Variants in ACTN1 observed in about 807,000 individuals in gnomAD.
ACTN1 encodes alpha-actinin-1.
A neutral mutation model predicts 119.6 loss-of-function variants in ACTN1; 30 were observed. That is an observed-to-expected ratio of 0.25 (90% confidence interval 0.19 to 0.34). The LOEUF is 0.34. Among genes scored for constraint, ACTN1 ranks in the 10% least tolerant of loss-of-function variants. The pLI is 1.00. For synonymous variants in ACTN1, 429 were observed against 472.6 expected, an observed-to-expected ratio of 0.91 and a Z score of 1.20; for missense variants, 764 against 1,223.4, an observed-to-expected ratio of 0.62 and a Z score of 5.60.
At chr14:68,939,637 G>A (rs2035697526) in intron 1 of ACTN1, among the ~76,000 whole-genome samples, 1 of 152,158 alleles carries the variant, frequency 6.6e-6, no homozygotes, top group African/African-American at 2.4e-5. Context: ...GAACGGAGGA[G>A]TTGGGGGAGG....
intron 1 of ACTN1, among the ~76,000 whole-genome samples, chr14:68,941,780 A>G (rs943991326): frequency 6.6e-6 from 1 of 152,172 alleles, no homozygotes; most frequent in Non-Finnish European, 1.5e-5. Context: ...AAACGGTCCC[A>G]GGTAGCATCA....
At chr14:68,975,584 GA>G (rs1379352470) in intron 1 of ACTN1, among the ~76,000 whole-genome samples, 3 of 152,128 alleles carry the variant, frequency 2.0e-5, no homozygotes, top group Admixed American at 2.0e-4. Flanking sequence ...ATACACCTAA[GA>G]ATGTGAGCGA....
chr14:68,893,719 T>C lies in ACTN1; in HGVS notation c.791A>G (p.Lys264Arg), dbSNP rs768952666. 2 of 1,613,974 alleles carry C rather than the reference T, an allele frequency of 1.2e-6. No homozygotes were observed. The highest frequency in any genetic ancestry group is 8.5e-7 in the Non-Finnish European group (1 of 1,180,018). ...KAETAANRIC[K>R]VLAVNQENEQ... ...GTTCTCCTGGTTGACGGCCAACACCTTGCAGATGCGATTGGCTGCTGTCTC... is the reference window on the plus strand; with the variant it reads ...GTTCTCCTGGTTGACGGCCAACACCCTGCAGATGCGATTGGCTGCTGTCTC... The change falls in exon 9 of 22, where the codon AAG (lysine) becomes AGG (arginine). Residue 264 changes from lysine to arginine, a missense_variant. This residue lies in a region of ACTN1 where 544 missense variants were observed against 912.0 expected (regional missense o/e 0.60). Transcript: ENST00000394419.
At chr14:68,945,386 G>A (rs1166104038) in intron 1 of ACTN1, among the ~76,000 whole-genome samples, 1 of 152,168 alleles carries the variant, frequency 6.6e-6, no homozygotes, top group East Asian at 1.9e-4. Flanking sequence ...AGCAGTGGAA[G>A]TCACCGAAGA....
chr14:68,961,166 T>C (rs564360822), intron 1 of ACTN1, among the ~76,000 whole-genome samples: 2 of 152,280 alleles, frequency 1.3e-5, no homozygotes, highest in South Asian at 4.1e-4. Context: ...CAAATAAACA[T>C]GTATTTATGA....
intron 1 of ACTN1, among the ~76,000 whole-genome samples, chr14:68,938,345 G>A (rs2035623006): frequency 6.6e-6 from 1 of 152,146 alleles, no homozygotes; most frequent in Non-Finnish European, 1.5e-5. Flanking sequence ...ATTCAGAGTA[G>A]GGGGGACTGG....
chr14:68,877,175 G>A lies in ACTN1; in HGVS notation c.2493C>T (p.Phe831=). 1 of 1,614,170 alleles carries A rather than the reference G, an allele frequency of 6.2e-7. No individual in the cohort carries two copies. The highest frequency in any genetic ancestry group is 8.5e-7 in the Non-Finnish European group (1 of 1,180,032). The change falls in exon 21 of 22, where the codon TTC becomes TTT. Residue 831 remains phenylalanine, a synonymous_variant. Coordinates refer to ENST00000394419, the MANE Select transcript of ACTN1 (RefSeq NM_001130004.2). ...GGGACATGAAGTCAATGAAGGCCTG[G>A]AATGTCACTACCCCCAGGCGGTTGG... ...VDPNRLGVVT[F]QAFIDFMSRE... is the part of the protein sequence containing the mutation.
At position 68,925,341 on chromosome 14, in the gene ACTN1, T is replaced by TTA. The variant is rs1300357335; in HGVS notation, c.220+216_220+217insTA. ...CCCTTTTTTTTTTTTTTTTTTTTTT[T>TTA]AAAACAAACAAGGATGCTGAAACAA... On this transcript the variant is annotated intron_variant, in intron 2 of 21. Coordinates refer to ENST00000394419, the MANE Select transcript of ACTN1 (RefSeq NM_001130004.2). The surrounding 1 kb of genome is among the most constrained non-coding windows in gnomAD (Gnocchi z 4.3). 6.5e-5 allele frequency among the ~76,000 whole-genome samples: 8 copies of TTA among 123,882 alleles called. No homozygotes were observed. The highest frequency in any genetic ancestry group is 6.8e-5 in the Non-Finnish European group (4 of 59,018). The allele number at this position is 123,882 out of a possible 152,430, so 81.3% of individuals were successfully genotyped here.
rs111891314 is a variant in ACTN1 at position 68,909,808 on chromosome 14, C to T, written c.515+147G>A. 3.8e-5 allele frequency: 25 copies of T among 662,464 alleles called. 1 individual carries two copies. The highest frequency in any genetic ancestry group is 1.5e-4 in the African/African-American group (8 of 55,138). The allele number at this position is 662,464 out of a possible 1,614,324, so 41.0% of individuals were successfully genotyped here. A position where few individuals can be genotyped will look rare whatever the true frequency, so the allele number is the denominator to read the frequency against. ...GAGACGGGGGGATTCAGAGCGATGGCGACATCCCCTTCCCAAGGAAAGCTA... is the reference window on the plus strand; with the variant it reads ...GAGACGGGGGGATTCAGAGCGATGGTGACATCCCCTTCCCAAGGAAAGCTA... On this transcript the variant is annotated intron_variant, in intron 5 of 21. Transcript: ENST00000394419. This position sits in a 1 kb window ranked among gnomAD's most constrained non-coding sequence, Gnocchi z 4.1.
chr14:68,945,334 C>T (rs932262055), intron 1 of ACTN1, among the ~76,000 whole-genome samples: 1 of 151,336 alleles, frequency 6.6e-6, no homozygotes, highest in African/African-American at 2.4e-5. Flanking sequence ...ATCAACTAGC[C>T]ACATGGGTGT....
chr14:68,881,941 T>TC (rs2031561614), intron 16 of ACTN1, among the ~76,000 whole-genome samples: 3 of 89,486 alleles, frequency 3.4e-5, no homozygotes, highest in African/African-American at 2.6e-4. Flanking sequence ...AGCTTCTTTT[T>TC]TTTTTTTTTT....
rs754166842 is a variant in ACTN1, at chr14:68,882,949, G to A, written c.1742C>T (p.Thr581Ile). The A allele has an allele frequency of 1.2e-6, 2 of 1,614,130 alleles. 1 individual carries two copies. The highest frequency in any genetic ancestry group is 3.3e-4 in the Middle Eastern group (2 of 6,084). Residue 581 changes from threonine to isoleucine, a missense_variant, in exon 15 of 22, where the codon ACC (threonine) becomes ATC (isoleucine). Coordinates refer to ENST00000394419, the MANE Select transcript of ACTN1 (RefSeq NM_001130004.2). This position sits in a 1 kb window ranked among gnomAD's most constrained non-coding sequence, Gnocchi z 4.5. ...GGTGCCCGCCATATTGACGTGGTAGGTCTGGACAATCTTGGACACCTCATT... is the reference window on the plus strand; with the variant it reads ...GGTGCCCGCCATATTGACGTGGTAGATCTGGACAATCTTGGACACCTCATT... Reference protein sequence around the residue: ...IHNEVSKIVQTYHVNMAGTNP... With the variant: ...IHNEVSKIVQIYHVNMAGTNP...
chr14:68,979,090 C>G lies in ACTN1; in HGVS notation c.-34G>C. 6.9e-7 allele frequency: 1 copy of G among 1,440,366 alleles called. No homozygotes were observed. Among genetic ancestry groups the G allele is most frequent in the East Asian group, 2.8e-5 (1 of 36,044 alleles). 89.2% of individuals were successfully genotyped at this position (1,440,366 alleles called of 1,614,324 possible). On this transcript the variant is annotated 5_prime_UTR_variant, in exon 1 of 22. Coordinates refer to ENST00000394419, the MANE Select transcript of ACTN1 (RefSeq NM_001130004.2). ...GCGCGTGCTAGGGTCTGGATTTCTT[C>G]CTCCACCTTCTCTCTGAGCAACGGC...
chr14:68,920,032 T>TG (rs1222988198), intron 3 of ACTN1, among the ~76,000 whole-genome samples: 1 of 152,206 alleles, frequency 6.6e-6, no homozygotes, highest in Non-Finnish European at 1.5e-5. Context: ...GCAAGACCCC[T>TG]GCCCCCTCCA....
At chr14:68,901,401 T>C (rs1163981716) in intron 8 of ACTN1, among the ~76,000 whole-genome samples, 2 of 151,942 alleles carry the variant, frequency 1.3e-5, no homozygotes, top group Non-Finnish European at 2.9e-5. Flanking sequence ...GAGGGTGCTA[T>C]CACACCCGGC....
At chr14:68,906,460 G>T (rs942206923) in intron 6 of ACTN1, among the ~76,000 whole-genome samples, 1 of 152,198 alleles carries the variant, frequency 6.6e-6, no homozygotes, top group Non-Finnish European at 1.5e-5. Flanking sequence ...GTTTTCAGGA[G>T]GAAATTGCTC....
Position 68,925,946 on chromosome 14 carries a change from C to T in ACTN1, c.106-274G>A, listed in dbSNP as rs552988935. Among the ~76,000 whole-genome samples the T allele has an allele frequency of 1.3e-5, 2 of 152,302 alleles. No homozygotes were observed. The highest frequency in any genetic ancestry group is 4.8e-5 in the African/African-American group (2 of 41,554). On this transcript the variant is annotated intron_variant, in intron 1 of 21. Transcript: ENST00000394419. This position sits in a 1 kb window ranked among gnomAD's most constrained non-coding sequence, Gnocchi z 4.3. Reference sequence around the variant, plus strand: ...ATTCCCTTAACATCCGCCTCCCAGCCCTCTCTCAAAGACTCATGCCCACCC... The same window carrying T: ...ATTCCCTTAACATCCGCCTCCCAGCTCTCTCTCAAAGACTCATGCCCACCC...
intron 21 of ACTN1, among the ~76,000 whole-genome samples, chr14:68,875,817 A>G (rs894978734): frequency 1.3e-5 from 2 of 152,230 alleles, no homozygotes; most frequent in African/African-American, 4.8e-5. Flanking sequence ...AAAATTAGCC[A>G]CTACAACTAA....
At chr14:68,969,950 C>T (rs961688346) in intron 1 of ACTN1, among the ~76,000 whole-genome samples, 3 of 152,194 alleles carry the variant, frequency 2.0e-5, no homozygotes, top group Non-Finnish European at 4.4e-5. Context: ...GTTGCCTCCC[C>T]TCCCGTCATT....
Sources: allele counts gnomAD v4.1 joint callset (sites outside exome capture counted in the v4.1 genomes callset), GRCh38; gene constraint gnomAD v4.1.1; regional missense constraint gnomAD v4.1.1; non-coding constraint Gnocchi (gnomAD v3.1); transcripts MANE v1.5; gene names NCBI Gene and HGNC (gene_info 2026-07-23, HGNC 2026-07-21).